Variants in IL20RA observed in about 807,000 individuals in gnomAD.
The protein encoded by IL20RA is interleukin 20 receptor subunit alpha, also known as interleukin-20 receptor subunit alpha.
In IL20RA, 29 loss-of-function variants were observed where a neutral mutation model predicts 36.5. That is an observed-to-expected ratio of 0.79 (90% confidence interval 0.59 to 1.08). IL20RA has a LOEUF of 1.08. IL20RA is among the 50% of genes least tolerant of loss of function. The pLI, the probability that IL20RA is intolerant of heterozygous loss-of-function variation, is 0.00. For missense variants in IL20RA, 652 were observed against 668.4 expected, an observed-to-expected ratio of 0.98 and a Z score of 0.27; for synonymous variants, 279 against 267.1, an observed-to-expected ratio of 1.04 and a Z score of -0.43.
At chr6:137,040,615 C>A (rs941023341) in intron 1 of IL20RA, among the ~76,000 whole-genome samples, 1 of 152,150 alleles carries the variant, frequency 6.6e-6, no homozygotes, top group Non-Finnish European at 1.5e-5. Context: ...AAAGCTGGAA[C>A]AGCATGAGCA....
chr6:137,006,804 C>G (rs1028421386), intron 5 of IL20RA, among the ~76,000 whole-genome samples: 1 of 151,632 alleles, frequency 6.6e-6, no homozygotes, highest in African/African-American at 2.4e-5. Context: ...CTCACTGTAG[C>G]CTTGACTTCC....
intron 6 of IL20RA, among the ~76,000 whole-genome samples, chr6:137,003,217 C>A (rs1452336261): frequency 3.3e-5 from 5 of 152,192 alleles, no homozygotes. Context: ...CATTAAGAAG[C>A]CAACTCTGAA....
At chr6:137,016,893 G>T in intron 2 of IL20RA, 75 bp downstream of exon 2, 1 of 1,330,656 alleles carries the variant, frequency 7.5e-7, no homozygotes, top group African/African-American at 1.5e-5. Flanking sequence ...ACCACGGAGA[G>T]TTTATCTTTA....
chr6:137,035,896 G>T (rs1477714536), intron 1 of IL20RA, among the ~76,000 whole-genome samples: 1 of 152,216 alleles, frequency 6.6e-6, no homozygotes. Flanking sequence ...TGGGCTGGAA[G>T]ACTATGGGTA....
chr6:137,025,520 T>C (rs1208017822), intron 1 of IL20RA, among the ~76,000 whole-genome samples: 1 of 152,258 alleles, frequency 6.6e-6, no homozygotes, highest in Non-Finnish European at 1.5e-5. Context: ...ATTTGGTCTT[T>C]GGGAAATTCT....
chr6:137,037,404 A>G (rs2115425268), intron 1 of IL20RA, among the ~76,000 whole-genome samples: 1 of 152,358 alleles, frequency 6.6e-6, no homozygotes, highest in East Asian at 1.9e-4. Context: ...CACAAGTTCT[A>G]GATAAAACAC....
Position 137,001,873 on chromosome 6 carries a change from T to G in IL20RA, c.1347A>C (p.Ser449=), listed in dbSNP as rs1283294420. 1 of 1,613,656 alleles carries G rather than the reference T, an allele frequency of 6.2e-7. No individual in the cohort carries two copies. The part of the protein sequence containing the change: ...AVLGPQTLQY[S]YTPQLQDLDP... ...CTAAGTCTTGGAGCTGAGGGGTGTA[T>G]GAGTACTGTAACGTTTGCGGGCCCA... is the stretch of plus-strand genomic sequence containing the variant. Residue 449 remains serine, a synonymous_variant, in exon 7 of 7, where the codon TCA becomes TCC. Coordinates refer to ENST00000316649, the MANE Select transcript of IL20RA (RefSeq NM_014432.4).
intron 6 of IL20RA, 137 bp downstream of exon 6, chr6:137,004,484 G>GT: frequency 2.2e-6 from 2 of 923,224 alleles, no homozygotes; most frequent in Non-Finnish European, 3.4e-6. Flanking sequence ...CCCAGAAACT[G>GT]TTTTTTAATT....
chr6:137,036,873 T>C (rs1776510249), intron 1 of IL20RA, among the ~76,000 whole-genome samples: 1 of 152,180 alleles, frequency 6.6e-6, no homozygotes, highest in Non-Finnish European at 1.5e-5. Flanking sequence ...GAAAAATGAA[T>C]GCTCTAAGAG....
At chr6:137,011,116 G>A (rs1775476127) in intron 3 of IL20RA, among the ~76,000 whole-genome samples, 158 bp downstream of exon 3, 2 of 152,116 alleles carry the variant, frequency 1.3e-5, no homozygotes, top group Non-Finnish European at 2.9e-5. Flanking sequence ...CTCAGAGCCA[G>A]CAAGGTTAAG....
chr6:137,032,780 T>C (rs1299395646), intron 1 of IL20RA, among the ~76,000 whole-genome samples: 2 of 152,200 alleles, frequency 1.3e-5, no homozygotes, highest in African/African-American at 4.8e-5. Flanking sequence ...GAATGATGAA[T>C]TGTTTTGAGG....
At chr6:137,038,894 T>C (rs1776581249) in intron 1 of IL20RA, among the ~76,000 whole-genome samples, 1 of 152,178 alleles carries the variant, frequency 6.6e-6, no homozygotes, top group African/African-American at 2.4e-5. Context: ...AAAAATACTA[T>C]GCCAAGCACT....
At chr6:137,009,264 C>T in intron 4 of IL20RA, 53 bp downstream of exon 4, 1 of 1,427,634 alleles carries the variant, frequency 7.0e-7, no homozygotes, top group Non-Finnish European at 9.9e-7. Context: ...TTTGTTCCCA[C>T]ATTAGCTACA....
chr6:137,023,289 C>G (rs749397877), intron 1 of IL20RA, among the ~76,000 whole-genome samples: 41 of 141,904 alleles, frequency 2.9e-4, no homozygotes, highest in Middle Eastern at 7.8e-3. Context: ...AGGGCCTATC[C>G]AAAAGGACAG....
chr6:137,041,688 T>C (rs962537810), intron 1 of IL20RA, among the ~76,000 whole-genome samples: 7 of 152,184 alleles, frequency 4.6e-5, no homozygotes, highest in South Asian at 2.1e-4. Context: ...CTAATAAGCA[T>C]AGTTGTTGTT....
At chr6:137,018,369 T>G (rs1049800614) in intron 1 of IL20RA, among the ~76,000 whole-genome samples, 1 of 152,202 alleles carries the variant, frequency 6.6e-6, no homozygotes, top group Non-Finnish European at 1.5e-5. Flanking sequence ...AATTAGCTCT[T>G]TAGTGTAAAG....
intron 1 of IL20RA, among the ~76,000 whole-genome samples, chr6:137,040,758 T>G (rs947964015): frequency 5.9e-5 from 9 of 152,192 alleles, no homozygotes; most frequent in African/African-American, 2.2e-4. Flanking sequence ...TGTAATAGAA[T>G]TCCAATGAAT....
chr6:137,025,333 T>A (rs144818649), intron 1 of IL20RA, among the ~76,000 whole-genome samples: 225 of 152,260 alleles, frequency 1.5e-3, no homozygotes, highest in Middle Eastern at 3.4e-3. Flanking sequence ...CCTTCCAACA[T>A]GTGAGGACAT....
chr6:137,018,513 CGTGTGTGTGTGTGT>C (rs3842115), intron 1 of IL20RA, among the ~76,000 whole-genome samples: 2 of 142,816 alleles, frequency 1.4e-5, no homozygotes, highest in Non-Finnish European at 3.1e-5. Flanking sequence ...CTGCCGTGTG[CGTGTGTGTGTGTGT>C]GTGTGTGTGT....
Sources: allele counts gnomAD v4.1 joint callset (sites outside exome capture counted in the v4.1 genomes callset), GRCh38; gene constraint gnomAD v4.1.1; transcripts MANE v1.5; gene names NCBI Gene and HGNC (gene_info 2026-07-23, HGNC 2026-07-21).